The following POLR1H variants were observed in gnomAD, a reference collection of about 807,000 sequenced individuals.
POLR1H encodes RNA polymerase I subunit H, also known as DNA-directed RNA polymerase I subunit RPA12.
A neutral mutation model predicts 15.8 loss-of-function variants in POLR1H; 5 were observed. The ratio of observed to expected loss-of-function variants is 0.32; its 90% CI spans 0.17 to 0.67. The LOEUF (loss-of-function observed/expected upper bound fraction) is 0.67. Among genes scored for constraint, POLR1H ranks in the 30% least tolerant of loss-of-function variants. The probability of loss-of-function intolerance (pLI) is 0.74; values close to 1 mark genes in which losing one functional copy is unlikely to be tolerated. For missense variants in POLR1H, 100 were observed against 163.4 expected, an observed-to-expected ratio of 0.61 and a Z score of 2.11; for synonymous variants, 43 against 58.3, an observed-to-expected ratio of 0.74 and a Z score of 1.20.
At chr6:30,060,983 C>T (rs1554149926), upstream of POLR1H, 4 of 152,768 alleles carry the variant, frequency 2.6e-5, no homozygotes, top group South Asian at 8.1e-4. Flanking sequence ...GGATATACCC[C>T]GCGACTGCGT....
In POLR1H at chr6:30,064,580, A is replaced by G. The variant is rs1582365636; in HGVS notation, c.357-93A>G. 6 of 1,183,246 alleles carry G rather than the reference A, an allele frequency of 5.1e-6. No individual in the cohort carries two copies. The Middle Eastern group carries it at 1.4e-3, about 279-fold the overall frequency. 73.3% of individuals were successfully genotyped at this position (1,183,246 alleles called of 1,614,324 possible). A position where few individuals can be genotyped will look rare whatever the true frequency, so the allele number is the denominator to read the frequency against. Reference sequence around the variant, plus strand: ...AGTCCTCAATGATGTCATAAATAAAAGTCCTTCCTTGATTATTTGATTGCA... The same window carrying G: ...AGTCCTCAATGATGTCATAAATAAAGGTCCTTCCTTGATTATTTGATTGCA... On this transcript the variant is annotated intron_variant, in intron 3 of 3. Transcript: ENST00000332435.
chr6:30,062,707 C>A (rs996050852), intron 3 of POLR1H, among the ~76,000 whole-genome samples: 2 of 130,516 alleles, frequency 1.5e-5, no homozygotes, highest in African/African-American at 6.4e-5. Flanking sequence ...CATGCCACCA[C>A]GCCTGGCTTT....
Position 30,061,945 on chromosome 6 carries a change from G to A in POLR1H, c.174G>A (p.Ser58=). The change falls in exon 2 of 4, where the codon TCG becomes TCA. Residue 58 remains serine, a synonymous_variant. Transcript: ENST00000332435. The surrounding 1 kb of genome is among the most constrained non-coding windows in gnomAD (Gnocchi z 5.0). ...TTGAGGGGAAGGTTGTGAAGACTTC[G>A]GTTGTGTTCCACCAACTGGGGACAG... ...RDFEGKVVKT[S]VVFHQLGTAM... is the part of the protein sequence containing the mutation. The A allele has an allele frequency of 6.2e-7, 1 of 1,613,104 alleles. No individual in the cohort carries two copies. Among genetic ancestry groups the A allele is most frequent in the Non-Finnish European group, 8.5e-7 (1 of 1,180,028 alleles).
rs376851357 is a variant in POLR1H, at chr6:30,061,287, G to T, written c.-238G>T. 4.9e-4 allele frequency: 214 copies of T among 436,014 alleles called. 16 individuals carry two copies. The highest frequency in any genetic ancestry group is 1.8e-3 in the East Asian group (51 of 28,102). The allele number at this position is 436,014 out of a possible 1,614,324, so 27.0% of individuals were successfully genotyped here. On this transcript the variant is annotated 5_prime_UTR_variant, in exon 1 of 4. Transcript: ENST00000332435. This position sits in a 1 kb window ranked among gnomAD's most constrained non-coding sequence, Gnocchi z 5.0. ...CGCAGAGCTGGCGCTCTAGCCCACG[G>T]AGTTGGTTAACTCCTCTCACCGGCC...
chr6:30,064,563 A>C (rs553248254), intron 3 of POLR1H, 110 bp from the exon 4 acceptor site: 759 of 961,612 alleles, frequency 7.9e-4, no homozygotes, highest in Non-Finnish European at 1.1e-3. Flanking sequence ...CCAGTCCTCA[A>C]TGATGTCATA....
chr6:30,062,087 C>T (rs1196554152), intron 2 of POLR1H, 70 bp downstream of exon 2: 7 of 1,520,972 alleles, frequency 4.6e-6, no homozygotes, highest in Non-Finnish European at 6.4e-6. Context: ...GATTGCAAAG[C>T]TCTGGAGAGT....
rs527495192 is a variant in POLR1H at position 30,062,004 on chromosome 6, G to A, written c.233G>A (p.Cys78Tyr). The A allele has an allele frequency of 6.2e-7, 1 of 1,613,104 alleles. No homozygotes were observed. Among genetic ancestry groups the A allele is most frequent in the South Asian group, 1.1e-5 (1 of 91,084 alleles). ...ATGTCGGTGGAGGAAGGGCCTGAGT[G>A]CCAGGGACCTGTGGTAAGCTAATGA... is the stretch of plus-strand genomic sequence containing the variant. ...MPMSVEEGPE[C>Y]QGPVVDRRCP... The change falls in exon 2 of 4, where the codon TGC becomes TAC. Residue 78 changes from cysteine (C) to tyrosine (Y), a missense_variant. Physicochemically the swap from Cys to Tyr is radical, Grantham distance 194. Coordinates refer to ENST00000332435, the MANE Select transcript of POLR1H (RefSeq NM_170783.4).
At chr6:30,062,376 C>T (rs775842288) in intron 3 of POLR1H, 43 bp downstream of exon 3, 1 of 1,335,240 alleles carries the variant, frequency 7.5e-7, no homozygotes, top group Non-Finnish European at 1.1e-6. Context: ...TGTTTGCTAA[C>T]TAAACAAATC....
Position 30,062,714 on chromosome 6 carries a change from C to CCTTTTTTTTTTTTTTTTTTTTTTT in POLR1H, c.356+381_356+382insCTTTTTTTTTTTTTTTTTTTTTTT, listed in dbSNP as rs749507630. On this transcript the variant is annotated intron_variant, in intron 3 of 3. Coordinates refer to ENST00000332435, the MANE Select transcript of POLR1H (RefSeq NM_170783.4). ...CACAGACACATGCCACCACGCCTGG[C>CCTTTTTTTTTTTTTTTTTTTTTTT]TTTTTTTTTTTTTTTTTTTTTTTTT... Among the ~76,000 whole-genome samples, 13 of 42,388 alleles carry CCTTTTTTTTTTTTTTTTTTTTTTT rather than the reference C, an allele frequency of 3.1e-4. 2 individuals carry two copies. The highest frequency in any genetic ancestry group is 9.5e-4 in the East Asian group (1 of 1,052). The allele number at this position is 42,388 out of a possible 152,430, so 27.8% of individuals were successfully genotyped here.
At chr6:30,062,191 C>G in intron 2 of POLR1H, 33 bp from the exon 3 acceptor site, 3 of 1,559,236 alleles carry the variant, frequency 1.9e-6, no homozygotes, top group Non-Finnish European at 2.7e-6. Flanking sequence ...GGGGATATGA[C>G]CAGGCCTCCC....
Position 30,063,003 on chromosome 6 carries a change from C to G in POLR1H, c.356+670C>G, listed in dbSNP as rs928676007. Among the ~76,000 whole-genome samples, 14 of 151,800 alleles carry G rather than the reference C, an allele frequency of 9.2e-5. No individual in the cohort carries two copies. Among genetic ancestry groups the G allele is most frequent in the African/African-American group, 3.4e-4 (14 of 41,338 alleles). The stretch of plus-strand genomic sequence containing the variant: ...GTAGCTTTCTTTGGAGAGAATTAGT[C>G]ACACATGACTTAGAGAACATGGGCT... On this transcript the variant is annotated intron_variant, in intron 3 of 3. Coordinates refer to ENST00000332435, the MANE Select transcript of POLR1H (RefSeq NM_170783.4). The surrounding 1 kb of genome is among the most constrained non-coding windows in gnomAD (Gnocchi z 4.1).
chr6:30,062,051 G>A, intron 2 of POLR1H, 34 bp downstream of exon 2: 1 of 1,592,372 alleles, frequency 6.3e-7, no homozygotes, highest in Non-Finnish European at 8.6e-7. Flanking sequence ...GGCTCCATAA[G>A]GTGGGTAGGA....
chr6:30,063,262 GGT>G lies in POLR1H; in HGVS notation c.356+930_356+931del, dbSNP rs1765261707. Among the ~76,000 whole-genome samples, 1 of 151,818 alleles carries G rather than the reference GGT, an allele frequency of 6.6e-6. No individual in the cohort carries two copies. Among genetic ancestry groups the G allele is most frequent in the Non-Finnish European group, 1.5e-5 (1 of 67,958 alleles). ...GACCTCGAATTAGTTACTAGAAAGA[GGT>G]TTCTCTCTTCTGTCCTCCATTTCTC... On this transcript the variant is annotated intron_variant, in intron 3 of 3. Coordinates refer to ENST00000332435, the MANE Select transcript of POLR1H (RefSeq NM_170783.4). The surrounding 1 kb of genome is among the most constrained non-coding windows in gnomAD (Gnocchi z 4.1).
At position 30,061,417 on chromosome 6, in the gene POLR1H, C is replaced by T; in HGVS notation, c.-108C>T. On this transcript the variant is annotated 5_prime_UTR_variant, in exon 1 of 4. Transcript: ENST00000332435. The surrounding 1 kb of genome is among the most constrained non-coding windows in gnomAD (Gnocchi z 5.0). ...AGGAGGCGTGCGTGGCAGGAGGGTT[C>T]GGGTTATATACTCCTAGGTCCTGGG... 7.6e-7 allele frequency: 1 copy of T among 1,310,076 alleles called. No individual in the cohort carries two copies. The highest frequency in any genetic ancestry group is 1.1e-6 in the Non-Finnish European group (1 of 951,710). 81.2% of individuals were successfully genotyped at this position (1,310,076 alleles called of 1,614,324 possible).
chr6:30,060,706 C>G (rs912169927), upstream of POLR1H: 1 of 152,306 alleles, frequency 6.6e-6, no homozygotes, highest in African/African-American at 2.4e-5. Context: ...GGCCTTCACT[C>G]TCACCACTTG....
rs769941567 is a variant in POLR1H, at chr6:30,062,713, G to GC, written c.356+381dup. Among the ~76,000 whole-genome samples, 63 of 72,994 alleles carry GC rather than the reference G, an allele frequency of 8.6e-4. 2 individuals carry two copies. Among genetic ancestry groups the GC allele is most frequent in the African/African-American group, 2.8e-3 (35 of 12,594 alleles). The allele number at this position is 72,994 out of a possible 152,430, so 47.9% of individuals were successfully genotyped here. ...CCACAGACACATGCCACCACGCCTG[G>GC]CTTTTTTTTTTTTTTTTTTTTTTTT... On this transcript the variant is annotated intron_variant, in intron 3 of 3. Transcript: ENST00000332435.
rs756053671 is a variant in POLR1H at position 30,062,271 on chromosome 6, C to T, written c.294C>T (p.His98=). The T allele has an allele frequency of 9.9e-6, 16 of 1,612,992 alleles. No homozygotes were observed. The African/African-American group carries it at 2.0e-4, about 20-fold the overall frequency. ...PRCGHEGMAY[H]TRQMRSADEG... ...GTGGTCATGAAGGAATGGCATACCA[C>T]ACCAGACAGATGCGTTCAGCCGATG... The change falls in exon 3 of 4, where the codon CAC becomes CAT. Residue 98 remains histidine, a synonymous_variant. Transcript: ENST00000332435.
rs185753367 is a variant in POLR1H at position 30,063,896 on chromosome 6, G to A, written c.357-777G>A. 1.7e-4 allele frequency among the ~76,000 whole-genome samples: 26 copies of A among 152,298 alleles called. No individual in the cohort carries two copies. The highest frequency in any genetic ancestry group is 5.3e-4 in the African/African-American group (22 of 41,556). Reference sequence around the variant, plus strand: ...AGCTTACAGTTAGAAATTCTCAGGAGAGAGTTTTCTCTCTTTCTACCTACT... The same window carrying A: ...AGCTTACAGTTAGAAATTCTCAGGAAAGAGTTTTCTCTCTTTCTACCTACT... On this transcript the variant is annotated intron_variant, in intron 3 of 3. Transcript: ENST00000332435. This position sits in a 1 kb window ranked among gnomAD's most constrained non-coding sequence, Gnocchi z 4.1.
intron 2 of POLR1H, 66 bp downstream of exon 2, chr6:30,062,083 A>T: frequency 6.5e-7 from 1 of 1,528,546 alleles, no homozygotes; most frequent in Non-Finnish European, 9.1e-7. Context: ...GAGTGATTGC[A>T]AAGCTCTGGA....
Sources: gnomAD v4.1 joint callset for allele counts (sites outside exome capture counted in the v4.1 genomes callset) on GRCh38, gnomAD v4.1.1 for gene constraint, Gnocchi (gnomAD v3.1) non-coding constraint, MANE v1.5 for transcripts, NCBI Gene and HGNC (gene_info 2026-07-23, HGNC 2026-07-21) for gene names.